CFAP299: variants seen among roughly 807,000 people sequenced by gnomAD.
CFAP299 encodes the protein cilia and flagella associated protein 299, also known as cilia- and flagella-associated protein 299.
Under a neutral mutation model 27.0 loss-of-function variants are expected in CFAP299, and 21 were observed. The observed-to-expected ratio is 0.78, with a 90% CI of 0.55 to 1.12. The LOEUF is 1.12. Ranked by LOEUF, CFAP299 falls within the 50% of genes most tolerant of loss-of-function variation. CFAP299 has a pLI of 0.00. For missense variants in CFAP299, 310 were observed against 276.6 expected (o/e 1.12, Z -0.86); for synonymous variants, 104 against 98.1 (o/e 1.06, Z -0.36).
intron 2 of CFAP299, among the ~76,000 whole-genome samples, chr4:80,542,510 C>T (rs914234454): frequency 2.6e-4 from 39 of 152,220 alleles, no homozygotes; most frequent in African/African-American, 8.2e-4. Context: ...TTGCGGAGTA[C>T]CAGAATGCAT....
At chr4:80,676,855 ATAGT>A (rs1327747960) in intron 3 of CFAP299, among the ~76,000 whole-genome samples, 1 of 151,938 alleles carries the variant, frequency 6.6e-6, no homozygotes, top group Non-Finnish European at 1.5e-5. Context: ...TTATGTTAGT[ATAGT>A]TAGTTTGTTA....
intron 3 of CFAP299, among the ~76,000 whole-genome samples, chr4:80,860,529 CT>C (rs1051331131): frequency 6.6e-6 from 1 of 152,128 alleles, no homozygotes; most frequent in Non-Finnish European, 1.5e-5. Flanking sequence ...TTTTCCCCAT[CT>C]TTGTGGTTTT....
chr4:80,486,476 C>G (rs1730826390), intron 2 of CFAP299, among the ~76,000 whole-genome samples: 1 of 152,206 alleles, frequency 6.6e-6, no homozygotes. Flanking sequence ...AGTTTTAGGA[C>G]TTTCAGGATC....
At chr4:80,767,519 G>A (rs1725948151) in intron 3 of CFAP299, among the ~76,000 whole-genome samples, 2 of 152,170 alleles carry the variant, frequency 1.3e-5, no homozygotes, top group Non-Finnish European at 2.9e-5. Flanking sequence ...TGAGGCAGGA[G>A]AATGGCGTGA....
chr4:80,709,382 A>T (rs1401006991), intron 3 of CFAP299, among the ~76,000 whole-genome samples: 1 of 152,190 alleles, frequency 6.6e-6, no homozygotes, highest in Non-Finnish European at 1.5e-5. Context: ...ACATGTAAAT[A>T]ATCTGGATTA....
intron 3 of CFAP299, among the ~76,000 whole-genome samples, chr4:80,824,264 A>G (rs1729861964): frequency 6.6e-6 from 1 of 152,086 alleles, no homozygotes. Context: ...ATTGTAGTAA[A>G]TTTTAGTTTT....
chr4:80,870,123 C>T lies in CFAP299; in HGVS notation c.464C>T (p.Pro155Leu). Residue 155 changes from proline (P) to leucine (L), a missense_variant, in exon 4 of 6, where the codon CCT becomes CTT. By Grantham distance (98) the Pro-to-Leu change is moderately conservative. Transcript: ENST00000358105. ...GGAAAAAAAAGACTTCTTCCAAGGCCTACAGATATAAGGTAAATTACATAC... is the reference window on the plus strand; with the variant it reads ...GGAAAAAAAAGACTTCTTCCAAGGCTTACAGATATAAGGTAAATTACATAC... The part of the protein sequence containing the change: ...FTGKKRLLPR[P>L]TDISFYNWDA... 2 of 1,608,494 alleles carry T rather than the reference C, an allele frequency of 1.2e-6. No homozygotes were observed. The highest frequency in any genetic ancestry group is 1.7e-6 in the Non-Finnish European group (2 of 1,178,202).
At chr4:80,445,517 C>T (rs1218383221) in intron 2 of CFAP299, among the ~76,000 whole-genome samples, 1 of 151,926 alleles carries the variant, frequency 6.6e-6, no homozygotes, top group Non-Finnish European at 1.5e-5. Context: ...TACACCGAGG[C>T]CTGTCAGGGG....
At chr4:80,668,817 T>A (rs1423031739) in intron 3 of CFAP299, among the ~76,000 whole-genome samples, 3 of 152,286 alleles carry the variant, frequency 2.0e-5, no homozygotes, top group East Asian at 3.9e-4. Context: ...TGGGGTTCCA[T>A]ATAAATTTTA....
At position 80,606,828 on chromosome 4, in the gene CFAP299, TA is replaced by T. The variant is rs34129877; in HGVS notation, c.333+23654del. On this transcript the variant is annotated intron_variant, in intron 3 of 5. Transcript: ENST00000358105. ...TCTACACTCTAAATTATATGCTTTTTAAAAAAAAATTTCACGGATAAAAAAA... is the reference window on the plus strand; with the variant it reads ...TCTACACTCTAAATTATATGCTTTTTAAAAAAAATTTCACGGATAAAAAAA... 9.3e-3 allele frequency among the ~76,000 whole-genome samples: 1,411 copies of T among 151,852 alleles called. 15 individuals are homozygous for T. The highest frequency in any genetic ancestry group is 0.024 in the African/African-American group (991 of 41,382).
At chr4:80,511,950 A>G (rs1732324606) in intron 2 of CFAP299, among the ~76,000 whole-genome samples, 1 of 152,176 alleles carries the variant, frequency 6.6e-6, no homozygotes, top group African/African-American at 2.4e-5. Flanking sequence ...AGACCCAAAA[A>G]TTAACTTTTA....
At chr4:80,917,040 A>C (rs1014520913) in intron 4 of CFAP299, among the ~76,000 whole-genome samples, 1 of 152,140 alleles carries the variant, frequency 6.6e-6, no homozygotes, top group East Asian at 1.9e-4. Context: ...TATTTGGAAG[A>C]AAAAGTGTGG....
At chr4:80,882,705 T>C (rs1482119565) in intron 4 of CFAP299, among the ~76,000 whole-genome samples, 1 of 151,060 alleles carries the variant, frequency 6.6e-6, no homozygotes, top group Non-Finnish European at 1.5e-5. Flanking sequence ...ATAATCACCA[T>C]AAGACTATAA....
chr4:80,494,692 C>T (rs1223993982), intron 2 of CFAP299, among the ~76,000 whole-genome samples: 1 of 152,106 alleles, frequency 6.6e-6, no homozygotes, highest in Non-Finnish European at 1.5e-5. Flanking sequence ...GGCTCCTCAT[C>T]CTCCCCATCT....
At chr4:80,938,041 G>A (rs1386126750) in intron 4 of CFAP299, among the ~76,000 whole-genome samples, 1 of 150,416 alleles carries the variant, frequency 6.6e-6, no homozygotes, top group Non-Finnish European at 1.5e-5. Context: ...TTATGTAATT[G>A]ATATCATGTC....
intron 3 of CFAP299, among the ~76,000 whole-genome samples, chr4:80,625,597 TA>T (rs1160083341): frequency 6.6e-6 from 1 of 151,982 alleles, no homozygotes; most frequent in East Asian, 1.9e-4. Flanking sequence ...TGAATGAATT[TA>T]AAAAACAAAA....
chr4:80,939,855 C>G (rs1443763404), intron 4 of CFAP299, among the ~76,000 whole-genome samples: 2 of 152,084 alleles, frequency 1.3e-5, no homozygotes, highest in Non-Finnish European at 2.9e-5. Context: ...GTTTGCCCAC[C>G]CCACTGCTCT....
intron 3 of CFAP299, among the ~76,000 whole-genome samples, chr4:80,611,873 C>T (rs1738000250): frequency 6.6e-6 from 1 of 152,046 alleles, no homozygotes; most frequent in African/African-American, 2.4e-5. Flanking sequence ...ACACCATACA[C>T]TGTCCCAAGC....
chr4:80,765,535 A>G (rs544606890), intron 3 of CFAP299, among the ~76,000 whole-genome samples: 1 of 152,276 alleles, frequency 6.6e-6, no homozygotes, highest in African/African-American at 2.4e-5. Flanking sequence ...GAATCTAAAA[A>G]TAGTATTTTT....
Sources: gnomAD v4.1 joint callset for allele counts (sites outside exome capture counted in the v4.1 genomes callset) on GRCh38, gnomAD v4.1.1 for gene constraint, MANE v1.5 for transcripts, NCBI Gene and HGNC (gene_info 2026-07-23, HGNC 2026-07-21) for gene names.